Variants in NUDCD3 observed in about 807,000 individuals in gnomAD.
The protein encoded by NUDCD3 is NudC domain containing 3.
In NUDCD3, 13 loss-of-function variants were observed where a neutral mutation model predicts 39.7. The observed-to-expected ratio is 0.33, with a 90% CI of 0.21 to 0.52. NUDCD3 has a LOEUF of 0.52. Ranked by LOEUF, NUDCD3 falls within the 20% of genes least tolerant of loss-of-function variation. The pLI is 0.96. For synonymous variants in NUDCD3, 175 were observed against 172.4 expected, an observed-to-expected ratio of 1.02 and a Z score of -0.12; for missense variants, 453 against 458.1, an observed-to-expected ratio of 0.99 and a Z score of 0.10.
rs1047603115 is a variant in NUDCD3 at position 44,465,259 on chromosome 7, T to C, written c.509+19709A>G. Among the ~76,000 whole-genome samples the C allele has an allele frequency of 3.9e-5, 6 of 152,210 alleles. No homozygotes were observed. In the East Asian group the frequency reaches 5.8e-4, roughly 15 times the overall value. ...AAAATCTCACAGTCATCTCACATCA[T>C]TCTCCCGTAATTCCACCAGAAATGA... On this transcript the variant is annotated intron_variant, in intron 2 of 5. Transcript: ENST00000355451.
intron 2 of NUDCD3, among the ~76,000 whole-genome samples, chr7:44,445,164 T>C (rs1563179402): frequency 6.6e-6 from 1 of 152,180 alleles, no homozygotes. Flanking sequence ...CACAGTGCTA[T>C]CTCTATATCT....
chr7:44,468,215 A>C (rs1425376899), intron 2 of NUDCD3: 2 of 1,598,996 alleles, frequency 1.3e-6, no homozygotes, highest in African/African-American at 2.7e-5. Flanking sequence ...TTCCTCCAAG[A>C]ACCGCAAAGC....
intron 3 of NUDCD3, among the ~76,000 whole-genome samples, chr7:44,417,879 A>T (rs2116889897): frequency 6.6e-6 from 1 of 152,214 alleles, no homozygotes; most frequent in African/African-American, 2.4e-5. Flanking sequence ...CTGGTAAGAG[A>T]TATACTGGGG....
At chr7:44,427,195 A>T (rs1354579563) in intron 3 of NUDCD3, among the ~76,000 whole-genome samples, 3 of 152,208 alleles carry the variant, frequency 2.0e-5, no homozygotes, top group Non-Finnish European at 4.4e-5. Flanking sequence ...AGAATTCACC[A>T]AGGTAATAAT....
intron 2 of NUDCD3, chr7:44,467,904 C>T (rs1800154140): frequency 1.9e-6 from 3 of 1,605,326 alleles, no homozygotes; most frequent in Non-Finnish European, 2.5e-6. Flanking sequence ...ATCATGGCCG[C>T]CCTCAGACCC....
intron 3 of NUDCD3, among the ~76,000 whole-genome samples, chr7:44,411,166 T>A (rs1201490473): frequency 6.6e-6 from 1 of 152,056 alleles, no homozygotes; most frequent in Non-Finnish European, 1.5e-5. Flanking sequence ...ATAAATTTTT[T>A]AAACTCAAAA....
chr7:44,472,870 C>T (rs1339174528), intron 2 of NUDCD3, among the ~76,000 whole-genome samples: 2 of 152,202 alleles, frequency 1.3e-5, no homozygotes, highest in Non-Finnish European at 2.9e-5. Context: ...AGCAACCTAG[C>T]AGTGAGAGAA....
intron 2 of NUDCD3, among the ~76,000 whole-genome samples, chr7:44,443,225 C>T (rs1209322928): frequency 6.6e-6 from 1 of 151,410 alleles, no homozygotes; most frequent in Non-Finnish European, 1.5e-5. Flanking sequence ...GCTTTGAACA[C>T]ATTCAATATA....
intron 5 of NUDCD3, among the ~76,000 whole-genome samples, chr7:44,389,946 G>A (rs945062170): frequency 6.6e-6 from 1 of 152,152 alleles, no homozygotes; most frequent in South Asian, 2.1e-4. Context: ...TGATGAGCAG[G>A]TATTCCTGCT....
rs138063601 is a variant in NUDCD3, at chr7:44,392,153, T to C, written c.975+144A>G. The C allele has an allele frequency of 3.0e-3, 2,148 of 715,438 alleles. 53 individuals are homozygous for C. The Admixed American group carries it at 0.037, about 12-fold the overall frequency. 44.3% of individuals were successfully genotyped at this position (715,438 alleles called of 1,614,324 possible). ...TGGGGACAAGAGCAGGTAAGACAGGTTCCTTGCTAGGCTAGGACATGGCAG... is the reference window on the plus strand; with the variant it reads ...TGGGGACAAGAGCAGGTAAGACAGGCTCCTTGCTAGGCTAGGACATGGCAG... On this transcript the variant is annotated intron_variant, in intron 5 of 5. Transcript: ENST00000355451.
intron 2 of NUDCD3, among the ~76,000 whole-genome samples, chr7:44,432,146 G>C (rs1585074772): frequency 6.6e-6 from 1 of 152,170 alleles, no homozygotes; most frequent in Admixed American, 6.5e-5. Flanking sequence ...GCCACACATA[G>C]TGGCACACAC....
chr7:44,443,397 TTTTTTTCTTTTC>T (rs1279362440), intron 2 of NUDCD3, among the ~76,000 whole-genome samples: 112 of 152,306 alleles, frequency 7.4e-4, no homozygotes, highest in African/African-American at 2.4e-3. Flanking sequence ...AAGAAATCTT[TTTTTTTCTTTTC>T]TTTTTTCTTT....
chr7:44,420,947 T>A (rs1406310570), intron 3 of NUDCD3, among the ~76,000 whole-genome samples: 1 of 152,182 alleles, frequency 6.6e-6, no homozygotes, highest in East Asian at 1.9e-4. Context: ...TCAACTAATG[T>A]GCAAAATAAC....
chr7:44,470,656 C>T (rs1800236266), intron 2 of NUDCD3, among the ~76,000 whole-genome samples: 1 of 152,090 alleles, frequency 6.6e-6, no homozygotes, highest in African/African-American at 2.4e-5. Context: ...AGGGAAGCAA[C>T]CCATGAGGGA....
intron 3 of NUDCD3, among the ~76,000 whole-genome samples, chr7:44,409,462 GAAC>G (rs1798882614): frequency 1.3e-5 from 2 of 151,798 alleles, no homozygotes; most frequent in African/African-American, 4.8e-5. Flanking sequence ...CATTAAACAA[GAAC>G]AACTATATCA....
chr7:44,408,084 A>G (rs936882350), intron 3 of NUDCD3, among the ~76,000 whole-genome samples: 3 of 152,232 alleles, frequency 2.0e-5, no homozygotes, highest in Non-Finnish European at 4.4e-5. Flanking sequence ...AAAGAGATGG[A>G]ATAGACTTCC....
chr7:44,412,348 T>C (rs774861991), intron 3 of NUDCD3, among the ~76,000 whole-genome samples: 4 of 152,242 alleles, frequency 2.6e-5, no homozygotes, highest in Non-Finnish European at 5.9e-5. Context: ...AGATGGTGTA[T>C]ACAATCTAGA....
At chr7:44,454,753 C>G (rs760715538) in intron 2 of NUDCD3, among the ~76,000 whole-genome samples, 12 of 152,058 alleles carry the variant, frequency 7.9e-5, no homozygotes, top group Non-Finnish European at 1.8e-4. Context: ...ATAATGAGAC[C>G]CTATCTCTAC....
At chr7:44,449,674 C>A (rs1051560044) in intron 2 of NUDCD3, among the ~76,000 whole-genome samples, 1 of 151,440 alleles carries the variant, frequency 6.6e-6, no homozygotes, top group East Asian at 1.9e-4. Context: ...CATACACACA[C>A]AAAAAAGGAA....
Sources: gnomAD v4.1 joint callset for allele counts (sites outside exome capture counted in the v4.1 genomes callset) on GRCh38, gnomAD v4.1.1 for gene constraint, MANE v1.5 for transcripts, NCBI Gene and HGNC (gene_info 2026-07-23, HGNC 2026-07-21) for gene names.